Variants in TSGA10 observed in about 807,000 individuals in gnomAD.
TSGA10 encodes testis specific 10.
A neutral mutation model predicts 96.6 loss-of-function variants in TSGA10; 43 were observed. The ratio of observed to expected loss-of-function variants is 0.44; its 90% confidence interval spans 0.35 to 0.57. The LOEUF (loss-of-function observed/expected upper bound fraction) is 0.57, where lower values mean the gene tolerates loss of function less well. Ranked by LOEUF, TSGA10 falls within the 20% of genes least tolerant of loss-of-function variation. The pLI is 0.01. For missense variants in TSGA10, 703 were observed against 834.4 expected, an observed-to-expected ratio of 0.84 and a Z score of 1.94; for synonymous variants, 229 against 269.9, an observed-to-expected ratio of 0.85 and a Z score of 1.48.
chr2:99,098,771 T>A (rs1046666706), intron 10 of TSGA10, among the ~76,000 whole-genome samples: 4 of 152,110 alleles, frequency 2.6e-5, no homozygotes, highest in Non-Finnish European at 5.9e-5. Context: ...CTTTTAAATT[T>A]AGACAAAATG....
chr2:99,007,646 A>G (rs1161806450), intron 20 of TSGA10, among the ~76,000 whole-genome samples: 1 of 152,234 alleles, frequency 6.6e-6, no homozygotes, highest in East Asian at 1.9e-4. Context: ...ATTAAAACAT[A>G]CTAATAATAG....
intron 1 of TSGA10, among the ~76,000 whole-genome samples, chr2:99,138,965 G>A (rs1329126901): frequency 6.6e-6 from 1 of 152,158 alleles, no homozygotes; most frequent in South Asian, 2.1e-4. Flanking sequence ...AAAGACAAAA[G>A]CAAGGACAGG....
intron 1 of TSGA10, chr2:99,150,454 T>TC: frequency 7.8e-7 from 1 of 1,284,114 alleles, no homozygotes; most frequent in South Asian, 1.4e-5. Flanking sequence ...CCTGCTGCAT[T>TC]CACTTGTTAC....
Position 99,026,659 on chromosome 2 carries a change from G to A in TSGA10, c.1615-6177C>T, listed in dbSNP as rs373566467. Among the ~76,000 whole-genome samples, 830 of 152,106 alleles carry A rather than the reference G, an allele frequency of 5.5e-3. 10 individuals carry two copies. The highest frequency in any genetic ancestry group is 0.019 in the African/African-American group (800 of 41,492). On this transcript the variant is annotated intron_variant, in intron 17 of 20. Transcript: ENST00000393483. ...AGGATGGTCTCGATCTCCTGACCTC[G>A]TGATCTGCCCGCCTCAGCCTCCCAA...
At chr2:99,061,640 T>G (rs2084706200) in intron 16 of TSGA10, among the ~76,000 whole-genome samples, 1 of 152,208 alleles carries the variant, frequency 6.6e-6, no homozygotes, top group Admixed American at 6.5e-5. Flanking sequence ...CACTCCTAGT[T>G]ATTTATCCAA....
intron 18 of TSGA10, 83 bp from the exon 19 acceptor site, chr2:99,018,723 G>T: frequency 8.4e-7 from 1 of 1,188,208 alleles, no homozygotes; most frequent in Non-Finnish European, 1.2e-6. Context: ...CATATTGATA[G>T]TGGTTTCTCA....
Position 99,105,341 on chromosome 2 carries a change from C to CT in TSGA10, c.459+17dup, listed in dbSNP as rs750042796. 0.083 allele frequency: 118,483 copies of CT among 1,426,670 alleles called. 208 individuals carry two copies. Among genetic ancestry groups the CT allele is most frequent in the Non-Finnish European group, 0.092 (97,161 of 1,054,056 alleles). The allele number at this position is 1,426,670 out of a possible 1,614,324, so 88.4% of individuals were successfully genotyped here. On this transcript the variant is annotated intron_variant, in intron 9 of 20. Transcript: ENST00000393483. ...GTGTTTATAGCCAAAAGAGACTTTT[C>CT]TTTTTTTTTTTTTTTACATTATGAA... is the stretch of plus-strand genomic sequence containing the variant.
At chr2:99,019,043 T>C (rs1030758557) in intron 18 of TSGA10, among the ~76,000 whole-genome samples, 1 of 152,178 alleles carries the variant, frequency 6.6e-6, no homozygotes, top group Non-Finnish European at 1.5e-5. Flanking sequence ...GTCTGTTTTA[T>C]ATATATCTAT....
chr2:99,004,377 G>A (rs895159511), intron 20 of TSGA10, among the ~76,000 whole-genome samples: 13 of 151,772 alleles, frequency 8.6e-5, no homozygotes, highest in Admixed American at 2.6e-4. Flanking sequence ...GTACAAAGAG[G>A]AGCTGGTACC....
At chr2:99,094,712 C>A (rs2089822297) in intron 10 of TSGA10, among the ~76,000 whole-genome samples, 1 of 152,178 alleles carries the variant, frequency 6.6e-6, no homozygotes. Flanking sequence ...TACCACCTTA[C>A]TCCTGCAAGA....
At chr2:99,146,651 C>T (rs1160604303) in intron 1 of TSGA10, among the ~76,000 whole-genome samples, 4 of 152,044 alleles carry the variant, frequency 2.6e-5, no homozygotes, top group East Asian at 1.9e-4. Context: ...CTTTTTGAGA[C>T]GGAGTCTTGC....
chr2:99,150,484 A>G (rs767862764), intron 1 of TSGA10: 18 of 1,459,506 alleles, frequency 1.2e-5, no homozygotes, highest in Admixed American at 4.6e-5. Context: ...TTTTTTCAGT[A>G]ATCAAGTTGA....
At chr2:99,024,399 T>C (rs867080937) in intron 17 of TSGA10, among the ~76,000 whole-genome samples, 1 of 152,202 alleles carries the variant, frequency 6.6e-6, no homozygotes, top group Non-Finnish European at 1.5e-5. Flanking sequence ...TATTTGTCCT[T>C]TTTTAATGCT....
rs2079889236 is a variant in TSGA10, at chr2:99,020,331, T to A, written c.1766A>T (p.Glu589Val). Reference sequence around the variant, plus strand: ...TTCTTTAAGAAGCTGAATTTCAGATTCTTTTTCTTGAAGTGCTATCTGAGA... The same window carrying A: ...TTCTTTAAGAAGCTGAATTTCAGATACTTTTTCTTGAAGTGCTATCTGAGA... ...YQSQIALQEK[E>V]SEIQLLKEHL... The change falls in exon 18 of 21, where the codon GAA (glutamate) becomes GTA (valine). Residue 589 changes from glutamate (E) to valine (V), a missense_variant. Physicochemically the swap from Glu to Val is moderately radical, Grantham distance 121 (BLOSUM62 -2). This residue lies in a region of TSGA10 where 49 missense variants were observed against 96.4 expected (regional missense o/e 0.51). Transcript: ENST00000393483. 2 of 1,613,926 alleles carry A rather than the reference T, an allele frequency of 1.2e-6. No homozygotes were observed. The highest frequency in any genetic ancestry group is 2.7e-5 in the African/African-American group (2 of 75,040).
At chr2:99,063,894 A>T (rs988256209) in intron 16 of TSGA10, among the ~76,000 whole-genome samples, 1 of 152,160 alleles carries the variant, frequency 6.6e-6, no homozygotes, top group Non-Finnish European at 1.5e-5. Flanking sequence ...AATTCAAGAA[A>T]ATGTTCATAG....
chr2:99,110,383 A>G (rs2091692068), intron 5 of TSGA10, among the ~76,000 whole-genome samples: 1 of 152,220 alleles, frequency 6.6e-6, no homozygotes, highest in Non-Finnish European at 1.5e-5. Flanking sequence ...ATATACTTTC[A>G]GATAGAGGGT....
At chr2:99,095,559 T>C (rs916664135) in intron 10 of TSGA10, among the ~76,000 whole-genome samples, 7 of 152,158 alleles carry the variant, frequency 4.6e-5, no homozygotes, top group African/African-American at 1.7e-4. Context: ...GTATATACTT[T>C]AGTGAGATTT....
chr2:99,105,475 A>G lies in TSGA10; in HGVS notation c.382-39T>C, dbSNP rs1010299844. 4 of 1,613,636 alleles carry G rather than the reference A, an allele frequency of 2.5e-6. No individual in the cohort carries two copies. The African/African-American group carries it at 5.3e-5, about 22-fold the overall frequency. On this transcript the variant is annotated intron_variant, in intron 8 of 20. Transcript: ENST00000393483. Reference sequence around the variant, plus strand: ...AAAAACAAAATAAAGTGATTTCAATATCCCTGAATTTGTGTTTCACATATA... The same window carrying G: ...AAAAACAAAATAAAGTGATTTCAATGTCCCTGAATTTGTGTTTCACATATA...
chr2:99,129,344 TA>T (rs2092965924), intron 1 of TSGA10, among the ~76,000 whole-genome samples: 1 of 152,184 alleles, frequency 6.6e-6, no homozygotes, highest in African/African-American at 2.4e-5. Flanking sequence ...ATTTACGTAA[TA>T]AAAAGTGTCA....
Sources: allele counts gnomAD v4.1 joint callset (sites outside exome capture counted in the v4.1 genomes callset), GRCh38; gene constraint gnomAD v4.1.1; regional missense constraint gnomAD v4.1.1; transcripts MANE v1.5; gene names NCBI Gene and HGNC (gene_info 2026-07-23, HGNC 2026-07-21).